MERTK: variants seen among roughly 807,000 people sequenced by gnomAD.
MERTK encodes the protein MER proto-oncogene, tyrosine kinase, also known as tyrosine-protein kinase Mer.
MERTK carries 69 observed loss-of-function variants against 99.3 expected under a neutral mutation model. That is an observed-to-expected ratio of 0.70 (90% CI 0.57 to 0.85). The LOEUF (loss-of-function observed/expected upper bound fraction) is 0.85, where lower values mean the gene tolerates loss of function less well. MERTK is among the 40% of genes least tolerant of loss of function. The probability of loss-of-function intolerance (pLI) is 0.00; values close to 1 mark genes in which losing one functional copy is unlikely to be tolerated. For synonymous variants in MERTK, 426 were observed against 467.6 expected, an observed-to-expected ratio of 0.91 and a Z score of 1.15; for missense variants, 1,125 against 1,249.4, an observed-to-expected ratio of 0.90 and a Z score of 1.50.
chr2:111,904,013 G>GTC (rs1684092666), intron 1 of MERTK, among the ~76,000 whole-genome samples: 1 of 152,036 alleles, frequency 6.6e-6, no homozygotes, highest in African/African-American at 2.4e-5. Flanking sequence ...TTGGTGAAGG[G>GTC]GCCCTCCGGT....
At chr2:112,002,963 A>G in intron 11 of MERTK, 129 bp from the exon 12 acceptor site, 2 of 576,430 alleles carry the variant, frequency 3.5e-6, no homozygotes, top group Non-Finnish European at 3.2e-6. Flanking sequence ...ACAGAGCTAG[A>G]CTCTGGCTCA....
intron 13 of MERTK, among the ~76,000 whole-genome samples, chr2:112,004,199 C>T (rs1676933616): frequency 6.6e-6 from 1 of 152,194 alleles, no homozygotes. Context: ...TTTTTACTAA[C>T]TCCTGCATGC....
intron 18 of MERTK, among the ~76,000 whole-genome samples, chr2:112,023,338 C>T (rs1284411602): frequency 2.0e-5 from 3 of 151,924 alleles, no homozygotes; most frequent in African/African-American, 4.8e-5. Flanking sequence ...GGCGTGAACC[C>T]GGGAGGCGGA....
At chr2:111,913,738 G>A (rs935461161) in intron 1 of MERTK, among the ~76,000 whole-genome samples, 8 of 152,034 alleles carry the variant, frequency 5.3e-5, no homozygotes, top group African/African-American at 1.9e-4. Context: ...TGATAGAGGT[G>A]GGGTTTCACC....
At chr2:111,960,913 T>G (rs989327214) in intron 4 of MERTK, among the ~76,000 whole-genome samples, 1 of 151,536 alleles carries the variant, frequency 6.6e-6, no homozygotes, top group Non-Finnish European at 1.5e-5. Flanking sequence ...TTTTCAAAAT[T>G]CTCTAGGAGT....
At chr2:111,967,986 G>A in intron 5 of MERTK, 151 bp from the exon 6 acceptor site, 1 of 693,058 alleles carries the variant, frequency 1.4e-6, no homozygotes, top group Non-Finnish European at 2.6e-6. Context: ...ATTACCCTCA[G>A]GCATAGGGAG....
chr2:111,904,958 G>T lies in MERTK; in HGVS notation c.61+6162G>T, dbSNP rs371849373. Among the ~76,000 whole-genome samples, 12 of 152,302 alleles carry T rather than the reference G, an allele frequency of 7.9e-5. No individual in the cohort carries two copies. The East Asian group carries it at 1.2e-3, about 15-fold the overall frequency. The stretch of plus-strand genomic sequence containing the variant: ...TCTGGGCATTGGCTAACCCGTGACC[G>T]GAGTTAAACCAGTTCCCTCTCTTTT... On this transcript the variant is annotated intron_variant, in intron 1 of 18. Coordinates refer to ENST00000295408, the MANE Select transcript of MERTK (RefSeq NM_006343.3).
chr2:111,948,438 A>G (rs1190568066), intron 4 of MERTK, among the ~76,000 whole-genome samples: 1 of 152,116 alleles, frequency 6.6e-6, no homozygotes, highest in Admixed American at 6.5e-5. Context: ...ATCTATAAGA[A>G]ATGACCTTGA....
At position 111,985,779 on chromosome 2, in the gene MERTK, A is replaced by G. The variant is rs138167043; in HGVS notation, c.1296+2786A>G. Among the ~76,000 whole-genome samples the G allele has an allele frequency of 7.1e-3, 1,073 of 152,188 alleles. 13 individuals are homozygous for G. Among genetic ancestry groups the G allele is most frequent in the Non-Finnish European group, 8.8e-3 (600 of 68,010 alleles). On this transcript the variant is annotated intron_variant, in intron 8 of 18. Coordinates refer to ENST00000295408, the MANE Select transcript of MERTK (RefSeq NM_006343.3). Reference sequence around the variant, plus strand: ...GGGAAAACCCCGCCCCCATGACTCAATTACCTCCCACCAGGACCCTCCCAT... The same window carrying G: ...GGGAAAACCCCGCCCCCATGACTCAGTTACCTCCCACCAGGACCCTCCCAT...
At chr2:112,024,062 TAACATTAAGAAGAGA>T in intron 18 of MERTK, among the ~76,000 whole-genome samples, 1 of 152,302 alleles carries the variant, frequency 6.6e-6, no homozygotes, top group South Asian at 2.1e-4. Context: ...GGTAGATGTA[TAACATTAAGAAGAGA>T]AACAAGCACT....
At chr2:112,019,347 C>T (rs1677285019) in intron 15 of MERTK, 66 bp from the exon 16 acceptor site, 14 of 1,185,422 alleles carry the variant, frequency 1.2e-5, no homozygotes, top group Non-Finnish European at 1.8e-5. Flanking sequence ...CCCCCCCCGG[C>T]AGAAACTGCT....
At chr2:111,988,091 A>G (rs2104745768) in intron 8 of MERTK, among the ~76,000 whole-genome samples, 1 of 150,696 alleles carries the variant, frequency 6.6e-6, no homozygotes, top group Admixed American at 6.6e-5. Context: ...CCAGAGAACC[A>G]AGTTCTTTGG....
chr2:111,945,881 G>A (rs1684953249), intron 3 of MERTK, among the ~76,000 whole-genome samples: 1 of 152,226 alleles, frequency 6.6e-6, no homozygotes, highest in Admixed American at 6.5e-5. Flanking sequence ...TCCTCTCTGA[G>A]GTGCCCCTCT....
intron 6 of MERTK, among the ~76,000 whole-genome samples, chr2:111,970,124 T>G (rs1651932960): frequency 6.6e-6 from 1 of 152,158 alleles, no homozygotes; most frequent in Non-Finnish European, 1.5e-5. Flanking sequence ...GTGATTGATT[T>G]TTTTTAACAC....
chr2:111,975,670 C>T (rs1266515629), intron 7 of MERTK, among the ~76,000 whole-genome samples, 198 bp downstream of exon 7: 3 of 152,110 alleles, frequency 2.0e-5, no homozygotes, highest in Non-Finnish European at 2.9e-5. Context: ...AAAACTTAGC[C>T]GTGTTATGTA....
chr2:112,017,267 A>G (rs947864111), intron 15 of MERTK, among the ~76,000 whole-genome samples: 4 of 152,040 alleles, frequency 2.6e-5, no homozygotes, highest in Admixed American at 1.3e-4. Flanking sequence ...CAGAGCACCA[A>G]TTGATGCGTT....
At chr2:112,016,607 G>A (rs1487448738) in intron 15 of MERTK, among the ~76,000 whole-genome samples, 5 of 152,178 alleles carry the variant, frequency 3.3e-5, no homozygotes, top group Non-Finnish European at 7.3e-5. Context: ...ACTCTGCCCA[G>A]GGCAGACATT....
chr2:112,023,916 C>T (rs936315007), intron 18 of MERTK, among the ~76,000 whole-genome samples: 14 of 152,126 alleles, frequency 9.2e-5, no homozygotes, highest in Non-Finnish European at 1.5e-5. Context: ...CACACACACG[C>T]CCTGCTGCCT....
At chr2:112,027,482 T>G (rs1452205782) in intron 18 of MERTK, among the ~76,000 whole-genome samples, 2 of 152,146 alleles carry the variant, frequency 1.3e-5, no homozygotes, top group African/African-American at 2.4e-5. Context: ...TGTCTTACTG[T>G]GCTCCATTAA....
Sources: allele counts gnomAD v4.1 joint callset (sites outside exome capture counted in the v4.1 genomes callset), GRCh38; gene constraint gnomAD v4.1.1; transcripts MANE v1.5; gene names NCBI Gene and HGNC (gene_info 2026-07-23, HGNC 2026-07-21).